KAT6B: variants seen among roughly 807,000 people sequenced by gnomAD.
KAT6B encodes lysine acetyltransferase 6B, also known as histone acetyltransferase KAT6B.
KAT6B carries 10 observed loss-of-function variants against 187.5 expected under a neutral mutation model. The observed-to-expected ratio is 0.05, with a 90% CI of 0.03 to 0.09. KAT6B has a LOEUF of 0.09. KAT6B is among the 10% of genes least tolerant of loss of function. The pLI, the probability that KAT6B is intolerant of heterozygous loss-of-function variation, is 1.00. For synonymous variants in KAT6B, 861 were observed against 926.8 expected (o/e 0.93, Z 1.29); for missense variants, 1,952 against 2,558.9 (o/e 0.76, Z 5.12).
Position 75,021,121 on chromosome 10 carries a change from T to C in KAT6B, c.2862-5T>C. 1 of 1,613,712 alleles carries C rather than the reference T, an allele frequency of 6.2e-7. No individual in the cohort carries two copies. On this transcript the variant is annotated splice_region_variant and splice_polypyrimidine_tract_variant and intron_variant, in intron 14 of 17. Coordinates refer to ENST00000287239, the MANE Select transcript of KAT6B (RefSeq NM_012330.4). ...TACATCTTGTTCTGCCTTATCACATTACAGATTTGTCATCATTAGACGGGA... is the reference window on the plus strand; with the variant it reads ...TACATCTTGTTCTGCCTTATCACATCACAGATTTGTCATCATTAGACGGGA...
At chr10:75,011,110 GCTTT>G (rs1564619977) in intron 13 of KAT6B, among the ~76,000 whole-genome samples, 1 of 152,034 alleles carries the variant, frequency 6.6e-6, no homozygotes, top group Non-Finnish European at 1.5e-5. Flanking sequence ...TATTTAAAAT[GCTTT>G]CTTTTAGTGA....
At chr10:74,858,248 T>G (rs1842943016) in intron 3 of KAT6B, among the ~76,000 whole-genome samples, 1 of 151,774 alleles carries the variant, frequency 6.6e-6, no homozygotes, top group Non-Finnish European at 1.5e-5. Context: ...CACTAATAGC[T>G]TCAGAGTTTT....
intron 4 of KAT6B, among the ~76,000 whole-genome samples, chr10:74,965,674 C>T (rs574229111): frequency 1.3e-5 from 2 of 151,404 alleles, no homozygotes; most frequent in African/African-American, 4.8e-5. Context: ...AGATTAAAAT[C>T]GGGGTATCAG....
chr10:74,869,492 G>C (rs1390012506), intron 3 of KAT6B, among the ~76,000 whole-genome samples: 1 of 152,082 alleles, frequency 6.6e-6, no homozygotes, highest in Non-Finnish European at 1.5e-5. Context: ...CGCCATGTTG[G>C]CCAGGCTGGT....
chr10:74,965,824 C>G (rs1171074292), intron 4 of KAT6B, among the ~76,000 whole-genome samples: 1 of 151,272 alleles, frequency 6.6e-6, no homozygotes. Flanking sequence ...CTCCCGGGTT[C>G]ACGCCATTCT....
intron 3 of KAT6B, among the ~76,000 whole-genome samples, chr10:74,956,909 G>A (rs1332947764): frequency 6.6e-6 from 1 of 152,142 alleles, no homozygotes; most frequent in Non-Finnish European, 1.5e-5. Flanking sequence ...CATGTTGTTG[G>A]GAAAATGTGA....
At chr10:75,021,078 G>GA (rs749046325) in intron 14 of KAT6B, 48 bp from the exon 15 acceptor site, 1 of 1,572,528 alleles carries the variant, frequency 6.4e-7, no homozygotes, top group Non-Finnish European at 8.8e-7. Flanking sequence ...AAGCTGAAGT[G>GA]AAATTTCAGC....
intron 3 of KAT6B, among the ~76,000 whole-genome samples, chr10:74,902,032 C>T (rs942675870): frequency 2.0e-5 from 3 of 152,126 alleles, no homozygotes; most frequent in African/African-American, 7.2e-5. Flanking sequence ...ACCCACCCAT[C>T]CGTCCCTGCT....
rs527841278 is a variant in KAT6B, at chr10:74,908,355, G to A, written c.622-51615G>A. The stretch of plus-strand genomic sequence containing the variant: ...AGGCGGGCAGATCACGAGGTCAAGA[G>A]ATTGAAACCATCCTGGCCAAAGTGG... On this transcript the variant is annotated intron_variant, in intron 3 of 17. Coordinates refer to ENST00000287239, the MANE Select transcript of KAT6B (RefSeq NM_012330.4). 1.0e-3 allele frequency among the ~76,000 whole-genome samples: 158 copies of A among 152,198 alleles called. 1 individual carries two copies. Among genetic ancestry groups the A allele is most frequent in the African/African-American group, 3.6e-3 (149 of 41,540 alleles).
At chr10:74,929,009 T>C (rs1369462508) in intron 3 of KAT6B, among the ~76,000 whole-genome samples, 1 of 152,188 alleles carries the variant, frequency 6.6e-6, no homozygotes, top group Non-Finnish European at 1.5e-5. Flanking sequence ...AAGATTTGTT[T>C]AGTGATTTAT....
In KAT6B at chr10:74,853,572, G is replaced by A. The variant is rs190282538; in HGVS notation, c.621+10094G>A. On this transcript the variant is annotated intron_variant, in intron 3 of 17. Coordinates refer to ENST00000287239, the MANE Select transcript of KAT6B (RefSeq NM_012330.4). Reference sequence around the variant, plus strand: ...GCCTCCCAAAGTACTGGGGTTATAGGCGTGAGCCACCGTGCTCAGCCTTTT... The same window carrying A: ...GCCTCCCAAAGTACTGGGGTTATAGACGTGAGCCACCGTGCTCAGCCTTTT... Among the ~76,000 whole-genome samples, 6 of 151,438 alleles carry A rather than the reference G, an allele frequency of 4.0e-5. No individual in the cohort carries two copies. The East Asian group carries it at 1.2e-3, about 29-fold the overall frequency.
rs1279340878 is a variant in KAT6B, at chr10:74,843,432, C to T, written c.575C>T (p.Pro192Leu). 5 of 1,613,856 alleles carry T rather than the reference C, an allele frequency of 3.1e-6. No individual in the cohort carries two copies. The highest frequency in any genetic ancestry group is 3.4e-6 in the Non-Finnish European group (4 of 1,180,026). ...KGAPQYPSAF[P>L]SSLPPVSLLP... Reference sequence around the variant, plus strand: ...GCACCTCAGTATCCCAGTGCATTCCCATCCTCGCTCCCACCTGTCAGCCTT... The same window carrying T: ...GCACCTCAGTATCCCAGTGCATTCCTATCCTCGCTCCCACCTGTCAGCCTT... Residue 192 changes from proline (P) to leucine (L), a missense_variant, in exon 3 of 18, where the codon CCA (proline) becomes CTA (leucine). Coordinates refer to ENST00000287239, the MANE Select transcript of KAT6B (RefSeq NM_012330.4).
At chr10:74,872,460 C>T (rs1281279965) in intron 3 of KAT6B, among the ~76,000 whole-genome samples, 1 of 152,192 alleles carries the variant, frequency 6.6e-6, no homozygotes, top group Non-Finnish European at 1.5e-5. Context: ...AGCGCAACCT[C>T]TGCCTCCAAG....
In KAT6B at chr10:74,989,012, C is replaced by T. The variant is rs757958099; in HGVS notation, c.2536-7C>T. ...TGACATACTTGATCTGTTTCTCCTT[C>T]CCTCAGGAAAAGCTTTGCCAGCAGA... is the stretch of plus-strand genomic sequence containing the variant. On this transcript the variant is annotated splice_polypyrimidine_tract_variant and splice_region_variant and intron_variant, in intron 12 of 17. Coordinates refer to ENST00000287239, the MANE Select transcript of KAT6B (RefSeq NM_012330.4). 1 of 1,600,556 alleles carries T rather than the reference C, an allele frequency of 6.2e-7. No individual in the cohort carries two copies. Among genetic ancestry groups the T allele is most frequent in the Non-Finnish European group, 8.6e-7 (1 of 1,167,696 alleles).
chr10:74,833,408 C>T (rs1046175640), intron 1 of KAT6B, among the ~76,000 whole-genome samples: 2 of 152,288 alleles, frequency 1.3e-5, no homozygotes, highest in African/African-American at 2.4e-5. Context: ...CTAAATTCCT[C>T]TGTTTTACAA....
chr10:74,893,606 A>G (rs955050743), intron 3 of KAT6B, among the ~76,000 whole-genome samples: 11 of 151,964 alleles, frequency 7.2e-5, no homozygotes, highest in Admixed American at 7.2e-4. Context: ...AGTAGCTGGG[A>G]TTACAGGCAT....
At chr10:74,969,544 A>C (rs1437742209) in intron 4 of KAT6B, 116 bp from the exon 5 acceptor site, 2 of 709,986 alleles carry the variant, frequency 2.8e-6, no homozygotes, top group African/African-American at 1.8e-5. Flanking sequence ...GGCATTTTCA[A>C]GTTCCTAAGG....
At chr10:74,903,418 T>C (rs146389163) in intron 3 of KAT6B, among the ~76,000 whole-genome samples, 159 of 152,310 alleles carry the variant, frequency 1.0e-3, no homozygotes, top group African/African-American at 3.2e-3. Flanking sequence ...AAGAGTGATC[T>C]GAAGCATGAA....
Position 75,031,346 on chromosome 10 carries a change from C to G in KAT6B, c.*300C>G, listed in dbSNP as rs1275561142. The G allele has an allele frequency of 9.0e-6, 4 of 445,556 alleles. No individual in the cohort carries two copies. Among genetic ancestry groups the G allele is most frequent in the Non-Finnish European group, 1.6e-5 (4 of 244,592 alleles). 27.6% of individuals were successfully genotyped at this position (445,556 alleles called of 1,614,324 possible). A position where few individuals can be genotyped will look rare whatever the true frequency, so the allele number is the denominator to read the frequency against. On this transcript the variant is annotated 3_prime_UTR_variant, in exon 18 of 18. Transcript: ENST00000287239. ...TGGAGGCAGCCACTTGTTGTGCCTG[C>G]TTCTGTTAAACAATGTGGATATCAA... is the stretch of plus-strand genomic sequence containing the variant.
Sources: allele counts gnomAD v4.1 joint callset (sites outside exome capture counted in the v4.1 genomes callset), GRCh38; gene constraint gnomAD v4.1.1; transcripts MANE v1.5; gene names NCBI Gene and HGNC (gene_info 2026-07-23, HGNC 2026-07-21).